TFDP2: variants seen among roughly 807,000 people sequenced by gnomAD.
The protein encoded by TFDP2 is transcription factor Dp-2.
In TFDP2, 17 loss-of-function variants were observed where a neutral mutation model predicts 59.3. The observed-to-expected ratio is 0.29, with a 90% confidence interval of 0.20 to 0.43. The LOEUF is 0.43. Ranked by LOEUF, TFDP2 falls within the 20% of genes least tolerant of loss-of-function variation. TFDP2 has a pLI of 1.00. For missense variants in TFDP2, 391 were observed against 528.8 expected (o/e 0.74, Z 2.56); for synonymous variants, 180 against 194.7 (o/e 0.92, Z 0.63).
At chr3:142,005,116 C>T (rs553174022) in intron 4 of TFDP2, among the ~76,000 whole-genome samples, 4 of 152,342 alleles carry the variant, frequency 2.6e-5, no homozygotes, top group Admixed American at 6.5e-5. Context: ...GGTGCAAACA[C>T]GGCTCACTGT....
Position 141,971,720 on chromosome 3 carries a change from C to T in TFDP2, c.664-1579G>A, listed in dbSNP as rs11569240. Among the ~76,000 whole-genome samples, 440 of 152,306 alleles carry T rather than the reference C, an allele frequency of 2.9e-3. 2 individuals are homozygous for T. Among genetic ancestry groups the T allele is most frequent in the Non-Finnish European group, 4.6e-3 (313 of 68,026 alleles). ...AGGAGAGAAAGAGAATAGCAAACTA[C>T]CCAAACAGGCCAGTTGCAGCTGGCA... On this transcript the variant is annotated intron_variant, in intron 8 of 12. Coordinates refer to ENST00000489671, the MANE Select transcript of TFDP2 (RefSeq NM_001178139.2).
At chr3:142,018,629 G>C (rs1203454578) in intron 3 of TFDP2, among the ~76,000 whole-genome samples, 2 of 151,854 alleles carry the variant, frequency 1.3e-5, no homozygotes, top group African/African-American at 2.4e-5. Flanking sequence ...ATTTTTTGTA[G>C]AGACAGGGTC....
intron 6 of TFDP2, among the ~76,000 whole-genome samples, chr3:141,985,314 A>G (rs184695344): frequency 1.8e-3 from 279 of 152,212 alleles, no homozygotes; most frequent in South Asian, 9.8e-3. Flanking sequence ...AGATCGCCTG[A>G]GCCCAGCATT....
At chr3:142,035,395 G>A (rs188398287) in intron 3 of TFDP2, among the ~76,000 whole-genome samples, 1 of 152,162 alleles carries the variant, frequency 6.6e-6, no homozygotes, top group Non-Finnish European at 1.5e-5. Flanking sequence ...TCAGCACTCA[G>A]AGTACACTGA....
chr3:141,959,527 A>T, intron 11 of TFDP2, 147 bp downstream of exon 11: 1 of 799,540 alleles, frequency 1.3e-6, no homozygotes, highest in Admixed American at 2.4e-5. Flanking sequence ...AATTTTTGAA[A>T]AAATGGTCCT....
intron 1 of TFDP2, among the ~76,000 whole-genome samples, chr3:142,124,854 T>A (rs1472418712): frequency 1.3e-5 from 2 of 152,012 alleles, no homozygotes; most frequent in Non-Finnish European, 2.9e-5. Flanking sequence ...TAAAAATAAG[T>A]AGAAGAGTGA....
chr3:142,061,424 T>G (rs1227688638), intron 3 of TFDP2, among the ~76,000 whole-genome samples: 1 of 152,174 alleles, frequency 6.6e-6, no homozygotes, highest in Non-Finnish European at 1.5e-5. Context: ...GATGCCCAGA[T>G]AGCTGATAAA....
intron 6 of TFDP2, 150 bp from the exon 7 acceptor site, chr3:141,978,832 T>A: frequency 1.7e-6 from 1 of 604,250 alleles, no homozygotes. Flanking sequence ...AATGTTTATT[T>A]AAACTTACTT....
At chr3:142,147,472 A>G (rs1186256328) in intron 1 of TFDP2, among the ~76,000 whole-genome samples, 1 of 152,216 alleles carries the variant, frequency 6.6e-6, no homozygotes, top group Non-Finnish European at 1.5e-5. Flanking sequence ...TTTAGCTGCC[A>G]GAGAAAAACT....
intron 3 of TFDP2, among the ~76,000 whole-genome samples, chr3:142,065,107 T>C (rs1405147290): frequency 1.3e-5 from 2 of 151,820 alleles, no homozygotes; most frequent in Non-Finnish European, 2.9e-5. Context: ...AACTGGTCAA[T>C]AAATAAAATT....
At chr3:141,989,899 T>C (rs920375933) in intron 6 of TFDP2, among the ~76,000 whole-genome samples, 3 of 150,452 alleles carry the variant, frequency 2.0e-5, no homozygotes, top group East Asian at 3.9e-4. Context: ...TAATAATTAT[T>C]ATTATTATTA....
chr3:142,028,742 T>C (rs1946276110), intron 3 of TFDP2: 2 of 984,738 alleles, frequency 2.0e-6, no homozygotes, highest in Admixed American at 1.2e-4. Context: ...TCAAGAAAAC[T>C]GTTTAGTTAA....
chr3:141,971,374 TAAAAAAAAAAA>T (rs56219575), intron 8 of TFDP2, among the ~76,000 whole-genome samples: 1 of 80,024 alleles, frequency 1.2e-5, no homozygotes, highest in Non-Finnish European at 2.5e-5. Context: ...TCGTCTCTAC[TAAAAAAAAAAA>T]AAAAAAAAAA....
intron 3 of TFDP2, among the ~76,000 whole-genome samples, chr3:142,053,535 G>C (rs1162136483): frequency 6.6e-6 from 1 of 152,054 alleles, no homozygotes; most frequent in Non-Finnish European, 1.5e-5. Flanking sequence ...AAATTATCCT[G>C]CCTCATGAGT....
chr3:141,996,271 T>TA (rs1366577336), intron 4 of TFDP2, among the ~76,000 whole-genome samples: 18 of 152,220 alleles, frequency 1.2e-4, no homozygotes, highest in Non-Finnish European at 2.1e-4. Flanking sequence ...TATTTTCATG[T>TA]AAAAAAAGGG....
At chr3:142,128,417 T>A (rs372615965) in intron 1 of TFDP2, among the ~76,000 whole-genome samples, 1 of 152,060 alleles carries the variant, frequency 6.6e-6, no homozygotes. Flanking sequence ...GACTAGGAGA[T>A]CCCTCTGCGA....
chr3:142,074,132 G>A (rs2060356370), intron 3 of TFDP2, among the ~76,000 whole-genome samples: 1 of 152,230 alleles, frequency 6.6e-6, no homozygotes, highest in East Asian at 1.9e-4. Context: ...AATAGGCCAG[G>A]TGCAGTGGCT....
chr3:142,118,228 C>T (rs1267630681), intron 1 of TFDP2, among the ~76,000 whole-genome samples: 1 of 152,126 alleles, frequency 6.6e-6, no homozygotes, highest in Non-Finnish European at 1.5e-5. Context: ...AGAAAAGAAC[C>T]TTCACAAAAG....
chr3:142,065,961 T>C (rs2060062878), intron 3 of TFDP2, among the ~76,000 whole-genome samples: 2 of 152,028 alleles, frequency 1.3e-5, no homozygotes, highest in Admixed American at 1.3e-4. Context: ...AACATGAAAC[T>C]CTAAAACATA....
Sources: gnomAD v4.1 joint callset for allele counts (sites outside exome capture counted in the v4.1 genomes callset) on GRCh38, gnomAD v4.1.1 for gene constraint, MANE v1.5 for transcripts, NCBI Gene and HGNC (gene_info 2026-07-23, HGNC 2026-07-21) for gene names.